The following JDP2 variants were observed in gnomAD, a reference collection of about 807,000 sequenced individuals.
JDP2 encodes Jun dimerization protein 2, also known as progesterone receptor co-activator.
A neutral mutation model predicts 17.1 loss-of-function variants in JDP2; 9 were observed. The observed-to-expected ratio is 0.53, with a 90% CI of 0.32 to 0.92. The LOEUF is 0.92. Among genes scored for constraint, JDP2 ranks in the 40% least tolerant of loss-of-function variants. The pLI, the probability that JDP2 is intolerant of heterozygous loss-of-function variation, is 0.04. For missense variants in JDP2, 179 were observed against 220.0 expected, an observed-to-expected ratio of 0.81 and a Z score of 1.18; for synonymous variants, 107 against 95.6, an observed-to-expected ratio of 1.12 and a Z score of -0.69.
intron 3 of JDP2, among the ~76,000 whole-genome samples, chr14:75,462,212 C>A (rs547535091): frequency 6.6e-6 from 1 of 152,192 alleles, no homozygotes; most frequent in Non-Finnish European, 1.5e-5. Flanking sequence ...TCAGAGCTTC[C>A]CTGCATCTCA....
chr14:75,445,585 T>A, intron 2 of JDP2: 1 of 985,380 alleles, frequency 1.0e-6, no homozygotes, highest in African/African-American at 1.7e-5. Context: ...TCACTAGATG[T>A]TTGAAATTCA....
At chr14:75,449,607 A>G (rs1885758347) in intron 2 of JDP2, among the ~76,000 whole-genome samples, 1 of 152,194 alleles carries the variant, frequency 6.6e-6, no homozygotes, top group Non-Finnish European at 1.5e-5. Context: ...AGTGACTGTC[A>G]ATTGGACAAG....
rs1886827943 is a variant in JDP2, at chr14:75,472,160, T to G, written c.*2685T>G. ...TGCAAGAGCCAGCATTTGAGTTTCT[T>G]CTGGGCACCTGCCACTGTGCATGTG... On this transcript the variant is annotated 3_prime_UTR_variant, in exon 4 of 4. Transcript: ENST00000651602. The G allele has an allele frequency of 2.0e-5, 3 of 152,236 alleles. No homozygotes were observed. The South Asian group carries it at 6.2e-4, about 32-fold the overall frequency. The allele number at this position is 152,236 out of a possible 1,614,324, so 9.4% of individuals were successfully genotyped here.
intron 3 of JDP2, among the ~76,000 whole-genome samples, chr14:75,464,178 A>G (rs755884149): frequency 1.3e-5 from 2 of 152,218 alleles, no homozygotes; most frequent in Non-Finnish European, 2.9e-5. Context: ...GCATGAATGC[A>G]GGCGGCTGTG....
rs1303623990 is a variant in JDP2, at chr14:75,471,371, A to G, written c.*1896A>G. On this transcript the variant is annotated 3_prime_UTR_variant, in exon 4 of 4. Transcript: ENST00000651602. ...CACTCGGCAGTTCTCAAGGCATGTC[A>G]CGCATGAGGAAGGCGGGAGAGGTGT... 6.6e-6 allele frequency: 1 copy of G among 152,308 alleles called. No homozygotes were observed. The highest frequency in any genetic ancestry group is 2.4e-5 in the African/African-American group (1 of 41,464). The allele number at this position is 152,308 out of a possible 1,614,324, so 9.4% of individuals were successfully genotyped here.
chr14:75,444,570 T>C (rs1450836124), intron 2 of JDP2, among the ~76,000 whole-genome samples: 1 of 152,172 alleles, frequency 6.6e-6, no homozygotes, highest in Non-Finnish European at 1.5e-5. Flanking sequence ...CGTTTCCTCA[T>C]CTGTAACAGG....
rs143948745 is a variant in JDP2, at chr14:75,430,446, C to T, written c.-24+2194C>T. Among the ~76,000 whole-genome samples the T allele has an allele frequency of 2.0e-4, 30 of 152,146 alleles. No individual in the cohort carries two copies. The highest frequency in any genetic ancestry group is 1.7e-3 in the South Asian group (8 of 4,824). On this transcript the variant is annotated intron_variant, in intron 1 of 3. Transcript: ENST00000651602. The surrounding 1 kb of genome is among the most constrained non-coding windows in gnomAD (Gnocchi z 4.5). ...CATGCGAATGAATTATGTTTGAAAC[C>T]GAAATGGGAGGAAGAGAAAAATGGA...
At chr14:75,462,044 G>A (rs562789050) in intron 3 of JDP2, among the ~76,000 whole-genome samples, 1 of 152,364 alleles carries the variant, frequency 6.6e-6, no homozygotes, top group East Asian at 1.9e-4. Context: ...CTCCACTGAA[G>A]GTGACCTCCA....
chr14:75,431,780 A>C (rs1374227221), intron 1 of JDP2, among the ~76,000 whole-genome samples: 3 of 152,220 alleles, frequency 2.0e-5, no homozygotes, highest in Non-Finnish European at 4.4e-5. Flanking sequence ...TCATGGCTGC[A>C]GGAAACAGAG....
Position 75,461,479 on chromosome 14 carries a change from A to G in JDP2, c.255A>G (p.Ala85=). Residue 85 remains alanine (A), a synonymous_variant, in exon 3 of 4, where the codon GCA becomes GCG. Coordinates refer to ENST00000651602, the MANE Select transcript of JDP2 (RefSeq NM_001135048.2). ...RKRRREKNKV[A]AARCRNKKKE... ...GGCGCCGGGAGAAGAACAAAGTCGC[A>G]GCAGCCCGATGCCGGAACAAGAAGA... 2 of 1,610,686 alleles carry G rather than the reference A, an allele frequency of 1.2e-6. No individual in the cohort carries two copies. Among genetic ancestry groups the G allele is most frequent in the Admixed American group, 1.7e-5 (1 of 59,640 alleles).
chr14:75,454,864 G>T (rs1215920096), intron 2 of JDP2, among the ~76,000 whole-genome samples: 1 of 152,048 alleles, frequency 6.6e-6, no homozygotes, highest in Non-Finnish European at 1.5e-5. Context: ...GGAGGAGCCA[G>T]GTTTTCTCGG....
Position 75,432,479 on chromosome 14 carries a change from C to T in JDP2, c.-24+4227C>T, listed in dbSNP as rs183477009. 2,165 of 777,256 alleles carry T rather than the reference C, an allele frequency of 2.8e-3. 4 individuals carry two copies. The highest frequency in any genetic ancestry group is 4.6e-3 in the Admixed American group (181 of 39,292). 48.1% of individuals were successfully genotyped at this position (777,256 alleles called of 1,614,324 possible). ...ACTTCTCTTGTTGAGTCTCAGTCGC[C>T]ATTGCCCATGCCCTGCCGTCGACTT... On this transcript the variant is annotated intron_variant, in intron 1 of 3. Transcript: ENST00000651602.
intron 3 of JDP2, among the ~76,000 whole-genome samples, chr14:75,466,334 G>T (rs1308669318): frequency 7.2e-5 from 11 of 152,158 alleles, no homozygotes; most frequent in Admixed American, 7.2e-4. Flanking sequence ...CTAGCTACTT[G>T]GGTGGCTGAG....
In JDP2 at chr14:75,438,639, C is replaced by G. The variant is rs747526352; in HGVS notation, c.201+518C>G. 1.1e-4 allele frequency among the ~76,000 whole-genome samples: 17 copies of G among 152,348 alleles called. No individual in the cohort carries two copies. In the South Asian group the frequency reaches 1.2e-3, roughly 11 times the overall value. Reference sequence around the variant, plus strand: ...TTGGAGGAAGAGTAGCGTGGCCTCCCTTCCCAAGCAGCTGCCAGAGCTAGG... The same window carrying G: ...TTGGAGGAAGAGTAGCGTGGCCTCCGTTCCCAAGCAGCTGCCAGAGCTAGG... On this transcript the variant is annotated intron_variant, in intron 2 of 3. Transcript: ENST00000651602.
rs2140004919 is a variant in JDP2, at chr14:75,469,913, AC to A, written c.*441del. The A allele has an allele frequency of 6.4e-6, 1 of 156,784 alleles. No individual in the cohort carries two copies. Among genetic ancestry groups the A allele is most frequent in the South Asian group, 1.9e-4 (1 of 5,192 alleles). 9.7% of individuals were successfully genotyped at this position (156,784 alleles called of 1,614,324 possible). A position where few individuals can be genotyped will look rare whatever the true frequency, so the allele number is the denominator to read the frequency against. Reference sequence around the variant, plus strand: ...GGATGGAACTCAGAATGAAACTGCAACCCACCTGCCCCCAGCCCTGCCCCTC... The same window carrying A: ...GGATGGAACTCAGAATGAAACTGCAACCACCTGCCCCCAGCCCTGCCCCTC... On this transcript the variant is annotated 3_prime_UTR_variant, in exon 4 of 4. Transcript: ENST00000651602.
intron 2 of JDP2, among the ~76,000 whole-genome samples, chr14:75,459,903 T>A (rs1031933916): frequency 2.0e-5 from 3 of 152,142 alleles, no homozygotes; most frequent in African/African-American, 7.2e-5. Context: ...AGGAGCAGGG[T>A]GCTTGAAACC....
chr14:75,461,543 G>T lies in JDP2; in HGVS notation c.306+13G>T. 1 of 1,583,384 alleles carries T rather than the reference G, an allele frequency of 6.3e-7. No homozygotes were observed. ...GTTTCTGCAGCGGGTGAGCTGACCG[G>T]GTGGGTGGGGAGGCCTGCCATTCCT... On this transcript the variant is annotated intron_variant, in intron 3 of 3. Coordinates refer to ENST00000651602, the MANE Select transcript of JDP2 (RefSeq NM_001135048.2).
At chr14:75,429,205 C>G (rs1009383863) in intron 1 of JDP2, among the ~76,000 whole-genome samples, 2 of 152,126 alleles carry the variant, frequency 1.3e-5, no homozygotes, top group Non-Finnish European at 2.9e-5. Context: ...AAGGAGAAAT[C>G]AGCCGACCCC....
chr14:75,458,616 C>T (rs1834192896), intron 2 of JDP2, among the ~76,000 whole-genome samples: 1 of 152,170 alleles, frequency 6.6e-6, no homozygotes, highest in African/African-American at 2.4e-5. Context: ...GTGAACAGTG[C>T]TGCAATGAAA....
Sources: allele counts gnomAD v4.1 joint callset (sites outside exome capture counted in the v4.1 genomes callset), GRCh38; gene constraint gnomAD v4.1.1; non-coding constraint Gnocchi (gnomAD v3.1); transcripts MANE v1.5; gene names NCBI Gene and HGNC (gene_info 2026-07-23, HGNC 2026-07-21).